The following ACTR8 variants were observed in gnomAD, a reference collection of about 807,000 sequenced individuals.
The protein encoded by ACTR8 is actin-related protein 8.
In ACTR8, 70 loss-of-function variants were observed where a neutral mutation model predicts 84.3. That is an observed-to-expected ratio of 0.83 (90% confidence interval 0.68 to 1.01). The LOEUF is 1.01. ACTR8 is among the 50% of genes least tolerant of loss of function. ACTR8 has a pLI of 0.00. For missense variants in ACTR8, 672 were observed against 775.4 expected, an observed-to-expected ratio of 0.87 and a Z score of 1.58; for synonymous variants, 268 against 275.2, an observed-to-expected ratio of 0.97 and a Z score of 0.26.
At chr3:53,871,187 T>C (rs1251442211) in intron 11 of ACTR8, 45 bp downstream of exon 11, 2 of 1,592,056 alleles carry the variant, frequency 1.3e-6, no homozygotes, top group South Asian at 1.1e-5. Flanking sequence ...ATTTAACTGC[T>C]ATCTTGTTTC....
intron 5 of ACTR8, 100 bp downstream of exon 5, chr3:53,877,114 G>T: frequency 1.7e-6 from 2 of 1,187,492 alleles, no homozygotes; most frequent in Non-Finnish European, 2.3e-6. Flanking sequence ...GGTCAAGAAT[G>T]TTTCAAGAAG....
chr3:53,867,757 G>A lies in ACTR8; in HGVS notation c.*962C>T, dbSNP rs1699815805. ...CCTGGGCTCAGAGGGCTTCACCAGA[G>A]CCTGGACCACCAGTGGTAATAGCTG... On this transcript the variant is annotated 3_prime_UTR_variant, in exon 13 of 13. Coordinates refer to ENST00000335754, the MANE Select transcript of ACTR8 (RefSeq NM_022899.5). 6.6e-6 allele frequency: 1 copy of A among 152,228 alleles called. No individual in the cohort carries two copies. The allele number at this position is 152,228 out of a possible 1,614,324, so 9.4% of individuals were successfully genotyped here.
intron 10 of ACTR8, among the ~76,000 whole-genome samples, chr3:53,872,146 A>C (rs1283979555): frequency 6.6e-6 from 1 of 152,252 alleles, no homozygotes; most frequent in African/African-American, 2.4e-5. Flanking sequence ...ATACACCAAA[A>C]GGAAAGTGTC....
intron 2 of ACTR8, among the ~76,000 whole-genome samples, chr3:53,878,778 C>T (rs1016801152): frequency 2.6e-5 from 4 of 152,024 alleles, no homozygotes; most frequent in African/African-American, 9.7e-5. Flanking sequence ...GAGCCGAGAT[C>T]GCACCACTGT....
At chr3:53,877,967 C>T (rs1700001999) in intron 3 of ACTR8, among the ~76,000 whole-genome samples, 1 of 152,182 alleles carries the variant, frequency 6.6e-6, no homozygotes, top group Admixed American at 6.5e-5. Context: ...CTGTGATTCA[C>T]AGCCAGTCCA....
In ACTR8 at chr3:53,871,406, T is replaced by C. The variant is rs750561671; in HGVS notation, c.1393A>G (p.Arg465Gly). 6 of 1,614,232 alleles carry C rather than the reference T, an allele frequency of 3.7e-6. No individual in the cohort carries two copies. The highest frequency in any genetic ancestry group is 1.7e-5 in the Admixed American group (1 of 60,024). Residue 465 changes from arginine (R) to glycine (G), a missense_variant, in exon 11 of 13, where the codon AGA (arginine) becomes GGA (glycine). Arg to Gly is a moderately radical substitution (Grantham distance 125). Transcript: ENST00000335754. ...AAATCTACCTCCTGGGAATGGAGTC[T>C]TTCTGGAAGATCAGAGGACTGGCCA... Reference protein sequence around the residue: ...LRGQSSDLPERLHSQEVDLGS... With the variant: ...LRGQSSDLPEGLHSQEVDLGS...
intron 7 of ACTR8, among the ~76,000 whole-genome samples, chr3:53,874,680 C>A (rs1041342660): frequency 1.3e-5 from 2 of 151,650 alleles, no homozygotes; most frequent in Non-Finnish European, 2.9e-5. Flanking sequence ...GCCAAGAGGT[C>A]ACGCCACTGC....
chr3:53,881,375 C>A (rs1700057205), intron 1 of ACTR8, among the ~76,000 whole-genome samples: 1 of 152,188 alleles, frequency 6.6e-6, no homozygotes, highest in Non-Finnish European at 1.5e-5. Flanking sequence ...AGGTCCTCTG[C>A]CAGGCACGCT....
Position 53,877,695 on chromosome 3 carries a change from AT to A in ACTR8, c.461del (p.Asn154IlefsTer13), listed in dbSNP as rs754563622. ...RPAILDHCSGNKWTNTSHHPE... is the reference protein window; with the variant it reads ...RPAILDHCSGXKWTNTSHHPE... ...GGTGATGAGATGTGTTTGTCCACTTATTTCCCGAACAGTGATCTAAAATTGC... is the reference window on the plus strand; with the variant it reads ...GGTGATGAGATGTGTTTGTCCACTTATTCCCGAACAGTGATCTAAAATTGC... On this transcript the variant is annotated frameshift_variant, in exon 4 of 13. Transcript: ENST00000335754. LOFTEE classifies it high-confidence loss of function. 3.1e-5 allele frequency: 50 copies of A among 1,614,026 alleles called. No individual in the cohort carries two copies. The highest frequency in any genetic ancestry group is 1.6e-4 in the Middle Eastern group (1 of 6,084).
At chr3:53,881,705 C>A (rs1576870139) in intron 1 of ACTR8, 2 of 544,972 alleles carry the variant, frequency 3.7e-6, no homozygotes, top group East Asian at 6.8e-5. Flanking sequence ...GGCCAGAGCC[C>A]GGGCAGGAGC....
chr3:53,881,596 C>T (rs58284360), intron 1 of ACTR8: 15,561 of 319,168 alleles, frequency 0.049, 1,024 homozygotes, highest in African/African-American at 0.17. Flanking sequence ...CCCAGTGAGC[C>T]AGCCTGGTCC....
the ACTR8 span, chr3:53,860,191 G>A: frequency 1.2e-6 from 2 of 1,613,916 alleles, no homozygotes; most frequent in Admixed American, 3.3e-5. Context: ...TGGCCACATG[G>A]GTGCTGGTGG....
intron 3 of ACTR8, 28 bp from the exon 4 acceptor site, chr3:53,877,779 T>C: frequency 1.3e-6 from 2 of 1,594,092 alleles, no homozygotes; most frequent in East Asian, 2.2e-5. Flanking sequence ...CAGAAAATTA[T>C]CTCAATTTAT....
At chr3:53,865,470 C>A, downstream of ACTR8, 1 of 557,118 alleles carries the variant, frequency 1.8e-6, no homozygotes, top group Non-Finnish European at 3.1e-6. Flanking sequence ...ACTAATGTAG[C>A]ATTAACTAAC....
Position 53,868,870 on chromosome 3 carries a change from A to T in ACTR8, c.1732-8T>A. The T allele has an allele frequency of 6.2e-7, 1 of 1,613,326 alleles. No homozygotes were observed. The highest frequency in any genetic ancestry group is 8.5e-7 in the Non-Finnish European group (1 of 1,179,660). On this transcript the variant is annotated splice_region_variant and splice_polypyrimidine_tract_variant and intron_variant, in intron 12 of 12. Transcript: ENST00000335754. Reference sequence around the variant, plus strand: ...CAGCCGGGGGTCCATGTCCTACAGAAGGGATGAAGGCATTTCAGCCTAATC... The same window carrying T: ...CAGCCGGGGGTCCATGTCCTACAGATGGGATGAAGGCATTTCAGCCTAATC...
intron 3 of ACTR8, among the ~76,000 whole-genome samples, chr3:53,877,965 C>G (rs893549035): frequency 6.6e-6 from 1 of 152,164 alleles, no homozygotes; most frequent in African/African-American, 2.4e-5. Flanking sequence ...GGCTGTGATT[C>G]ACAGCCAGTC....
intron 1 of ACTR8, among the ~76,000 whole-genome samples, chr3:53,880,757 A>G (rs2107078154): frequency 6.6e-6 from 1 of 152,232 alleles, no homozygotes; most frequent in Non-Finnish European, 1.5e-5. Context: ...CTGTTGGCAC[A>G]AGTGTCTTCC....
chr3:53,873,818 TTTTATTTA>T (rs887350125), intron 8 of ACTR8, among the ~76,000 whole-genome samples: 1 of 152,208 alleles, frequency 6.6e-6, no homozygotes, highest in South Asian at 2.1e-4. Context: ...TGTTACTTCA[TTTTATTTA>T]TTTATTTATT....
chr3:53,879,897 G>A (rs373967746), intron 2 of ACTR8, 42 bp downstream of exon 2: 4 of 1,547,632 alleles, frequency 2.6e-6, no homozygotes, highest in African/African-American at 2.7e-5. Context: ...CCCTCCCAGG[G>A]AAACAACCTT....
Sources: gnomAD v4.1 joint callset for allele counts (sites outside exome capture counted in the v4.1 genomes callset) on GRCh38, gnomAD v4.1.1 for gene constraint, MANE v1.5 for transcripts, NCBI Gene and HGNC (gene_info 2026-07-23, HGNC 2026-07-21) for gene names.